Variants in OTOGL observed in about 807,000 individuals in gnomAD.
The protein encoded by OTOGL is otogelin-like protein.
Under a neutral mutation model 318.5 loss-of-function variants are expected in OTOGL, and 285 were observed. The observed-to-expected ratio is 0.89, with a 90% CI of 0.81 to 0.99. The LOEUF (loss-of-function observed/expected upper bound fraction) is 0.99, where lower values mean the gene tolerates loss of function less well. OTOGL is among the 50% of genes least tolerant of loss of function. OTOGL has a pLI of 0.00. For missense variants in OTOGL, 2,899 were observed against 2,845.6 expected (o/e 1.02, Z -0.43); for synonymous variants, 987 against 936.5 (o/e 1.05, Z -0.99).
chr12:80,225,405 T>A lies in OTOGL; in HGVS notation c.489+3160T>A, dbSNP rs191136146. Among the ~76,000 whole-genome samples, 199 of 152,262 alleles carry A rather than the reference T, an allele frequency of 1.3e-3. 2 individuals are homozygous for A. Among genetic ancestry groups the A allele is most frequent in the Middle Eastern group, 3.4e-3 (1 of 294 alleles). ...TGCCTCTGGAGTTAGTAGATATTGT[T>A]TCTACTTGGCCTTGTTTTGAGTAGT... is the stretch of plus-strand genomic sequence containing the variant. On this transcript the variant is annotated intron_variant, in intron 7 of 58. Transcript: ENST00000547103.
chr12:80,178,061 C>CTTTTTTTTTTT (rs71094968), intron 1 of OTOGL, among the ~76,000 whole-genome samples: 49 of 74,910 alleles, frequency 6.5e-4, no homozygotes, highest in Non-Finnish European at 8.5e-4. Flanking sequence ...TTCTTTCTTT[C>CTTTTTTTTTTT]TTTTTTTTTT....
In OTOGL at chr12:80,169,516, C is replaced by T. The variant is rs533919530; in HGVS notation, c.-19-39897C>T. ...AACCTATCTATTTAATTGCATTTAG[C>T]TATTGTTTTATTTTTAAATTTACAT... On this transcript the variant is annotated intron_variant, in intron 1 of 58. Transcript: ENST00000547103. Among the ~76,000 whole-genome samples the T allele has an allele frequency of 4.6e-5, 7 of 152,250 alleles. 1 individual carries two copies. In the South Asian group the frequency reaches 1.5e-3, roughly 32 times the overall value.
chr12:80,183,573 G>A (rs1163847005), intron 1 of OTOGL, among the ~76,000 whole-genome samples: 1 of 152,202 alleles, frequency 6.6e-6, no homozygotes, highest in African/African-American at 2.4e-5. Flanking sequence ...GCAATTAAAT[G>A]TGTTGATCTG....
intron 11 of OTOGL, among the ~76,000 whole-genome samples, chr12:80,241,124 A>G (rs952665873): frequency 1.3e-5 from 2 of 152,116 alleles, no homozygotes; most frequent in Non-Finnish European, 1.5e-5. Flanking sequence ...GGTGAGAACA[A>G]AGAGGAAAGG....
intron 57 of OTOGL, 48 bp downstream of exon 57, chr12:80,372,112 T>C (rs754207167): frequency 7.7e-7 from 1 of 1,296,078 alleles, no homozygotes; most frequent in South Asian, 1.7e-5. Context: ...TTAGTTTTAA[T>C]TGCTCATAGT....
At chr12:80,261,034 A>G (rs932994785) in intron 18 of OTOGL, among the ~76,000 whole-genome samples, 6 of 152,144 alleles carry the variant, frequency 3.9e-5, no homozygotes, top group Admixed American at 3.9e-4. Flanking sequence ...GAAGGACGAA[A>G]GGGTGGGGAC....
At position 80,233,030 on chromosome 12, in the gene OTOGL, G is replaced by A; in HGVS notation, c.750G>A (p.Lys250=). 1 of 1,598,736 alleles carries A rather than the reference G, an allele frequency of 6.3e-7. No individual in the cohort carries two copies. Among genetic ancestry groups the A allele is most frequent in the South Asian group, 1.1e-5 (1 of 91,056 alleles). The change falls in exon 9 of 59, where the codon AAG becomes AAA. Residue 250 remains lysine, a synonymous_variant. Transcript: ENST00000547103. The stretch of plus-strand genomic sequence containing the variant: ...ACCTCAAGCTGTCTGAGGACCATAA[G>A]GGGAAATCATGTGGCCTATGTGGAA... ...GIYLKLSEDH[K]GKSCGLCGNY... is the part of the protein sequence containing the mutation.
intron 8 of OTOGL, among the ~76,000 whole-genome samples, chr12:80,231,881 C>T (rs544330151): frequency 2.0e-5 from 3 of 151,862 alleles, no homozygotes; most frequent in South Asian, 4.2e-4. Context: ...TTGTGATCCA[C>T]CCACCTTGGC....
chr12:80,156,637 C>T (rs1051744220), intron 1 of OTOGL, among the ~76,000 whole-genome samples: 1 of 152,156 alleles, frequency 6.6e-6, no homozygotes, highest in Non-Finnish European at 1.5e-5. Flanking sequence ...GAGATCTGAT[C>T]ATTTTATAAC....
intron 8 of OTOGL, among the ~76,000 whole-genome samples, chr12:80,229,620 A>G (rs1241584775): frequency 6.6e-6 from 1 of 151,876 alleles, no homozygotes; most frequent in African/African-American, 2.4e-5. Flanking sequence ...GTATGTTTAC[A>G]TGGGTGGAGA....
At position 80,103,338 on chromosome 12, in the gene OTOGL, GC is replaced by G. The variant is rs1869257156; in HGVS notation, c.-20+3735del. On this transcript the variant is annotated intron_variant, in intron 1 of 58. Transcript: ENST00000547103. Reference sequence around the variant, plus strand: ...CACAAAGGGATTAAACTTCATTTTGGCCGCTCCCGCTTCGGTGATCGATCTT... The same window carrying G: ...CACAAAGGGATTAAACTTCATTTTGGCGCTCCCGCTTCGGTGATCGATCTT... The G allele has an allele frequency of 2.0e-6, 3 of 1,472,436 alleles. No individual in the cohort carries two copies. In the Admixed American group the frequency reaches 5.1e-5, roughly 25 times the overall value. 91.2% of individuals were successfully genotyped at this position (1,472,436 alleles called of 1,614,324 possible). A position where few individuals can be genotyped will look rare whatever the true frequency, so the allele number is the denominator to read the frequency against.
chr12:80,108,913 T>A, intron 1 of OTOGL, among the ~76,000 whole-genome samples: 1 of 125,746 alleles, frequency 8.0e-6, no homozygotes, highest in South Asian at 2.4e-4. Context: ...TGTGTATATA[T>A]ATGTGTATAT....
Position 80,256,300 on chromosome 12 carries a change from T to C in OTOGL, c.1588-37T>C, listed in dbSNP as rs545288936. 5.1e-5 allele frequency: 81 copies of C among 1,579,330 alleles called. No homozygotes were observed. The Admixed American group carries it at 1.3e-3, about 26-fold the overall frequency. On this transcript the variant is annotated intron_variant, in intron 16 of 58. Transcript: ENST00000547103. ...GTCTCTTTCTATGGCTCTCTCTCTC[T>C]CCCATTCCTTGCATTGATAATTTGA...
chr12:80,338,571 A>T (rs892166481), intron 42 of OTOGL, among the ~76,000 whole-genome samples: 1 of 152,186 alleles, frequency 6.6e-6, no homozygotes, highest in East Asian at 1.9e-4. Flanking sequence ...AGTACATGCT[A>T]AAAATACAGT....
intron 1 of OTOGL, among the ~76,000 whole-genome samples, chr12:80,168,770 T>C (rs549276807): frequency 3.9e-5 from 6 of 152,172 alleles, no homozygotes; most frequent in Non-Finnish European, 8.8e-5. Context: ...AGTTATGATA[T>C]CTTCTTTCAG....
chr12:80,324,830 G>C (rs995895167), intron 35 of OTOGL, among the ~76,000 whole-genome samples: 2 of 152,106 alleles, frequency 1.3e-5, no homozygotes, highest in African/African-American at 4.8e-5. Flanking sequence ...TAGCCAAATT[G>C]GTCAAATAGC....
chr12:80,251,369 A>G (rs1027102049), intron 11 of OTOGL, among the ~76,000 whole-genome samples: 2 of 152,244 alleles, frequency 1.3e-5, no homozygotes, highest in Non-Finnish European at 2.9e-5. Context: ...GTGAAAAAAT[A>G]CACGGATTAT....
In OTOGL at chr12:80,338,954, A is replaced by G. The variant is rs1268827569; in HGVS notation, c.4861-121A>G. 6 of 815,910 alleles carry G rather than the reference A, an allele frequency of 7.4e-6. No individual in the cohort carries two copies. The East Asian group carries it at 1.4e-4, about 19-fold the overall frequency. The allele number at this position is 815,910 out of a possible 1,614,324, so 50.5% of individuals were successfully genotyped here. A position where few individuals can be genotyped will look rare whatever the true frequency, so the allele number is the denominator to read the frequency against. On this transcript the variant is annotated intron_variant, in intron 42 of 58. Coordinates refer to ENST00000547103, the MANE Select transcript of OTOGL (RefSeq NM_001378609.3). Reference sequence around the variant, plus strand: ...AGAAGCTGTGGCAGCAGTAAGAAATACATTTCTTAAAAAAATTAAAAAATA... The same window carrying G: ...AGAAGCTGTGGCAGCAGTAAGAAATGCATTTCTTAAAAAAATTAAAAAATA...
intron 1 of OTOGL, among the ~76,000 whole-genome samples, chr12:80,106,108 G>C (rs948448388): frequency 6.6e-6 from 1 of 152,170 alleles, no homozygotes; most frequent in Non-Finnish European, 1.5e-5. Context: ...TAAAACATTT[G>C]TTGACTCCAA....
Sources: gnomAD v4.1 joint callset for allele counts (sites outside exome capture counted in the v4.1 genomes callset) on GRCh38, gnomAD v4.1.1 for gene constraint, MANE v1.5 for transcripts, NCBI Gene and HGNC (gene_info 2026-07-23, HGNC 2026-07-21) for gene names.